Variants in OTUD7A observed in about 807,000 individuals in gnomAD.
OTUD7A encodes the protein OTU domain-containing protein 7A.
A neutral mutation model predicts 65.7 loss-of-function variants in OTUD7A; 12 were observed. The ratio of observed to expected loss-of-function variants is 0.18; its 90% CI spans 0.12 to 0.30. OTUD7A has a LOEUF of 0.30. Ranked by LOEUF, OTUD7A falls within the 10% of genes least tolerant of loss-of-function variation. The pLI, the probability that OTUD7A is intolerant of heterozygous loss-of-function variation, is 1.00. For synonymous variants in OTUD7A, 641 were observed against 586.3 expected (o/e 1.09, Z -1.35); for missense variants, 1,148 against 1,304.8 (o/e 0.88, Z 1.85).
chr15:31,621,517 T>A (rs1433392387), intron 3 of OTUD7A, among the ~76,000 whole-genome samples: 2 of 152,226 alleles, frequency 1.3e-5, no homozygotes, highest in Non-Finnish European at 2.9e-5. Context: ...TTTACCATTA[T>A]GTAATGGCCT....
intron 3 of OTUD7A, among the ~76,000 whole-genome samples, chr15:31,643,295 C>T (rs1891571237): frequency 6.6e-6 from 1 of 152,072 alleles, no homozygotes. Context: ...TTCACTGATG[C>T]CTTTAATATT....
chr15:31,646,510 GAGTAC>G (rs926879303), intron 3 of OTUD7A, among the ~76,000 whole-genome samples: 6 of 150,224 alleles, frequency 4.0e-5, no homozygotes, highest in African/African-American at 1.5e-4. Flanking sequence ...GCCCAGGCTG[GAGTAC>G]AATGGTGTGA....
intron 3 of OTUD7A, among the ~76,000 whole-genome samples, chr15:31,644,642 AT>A (rs1311900380): frequency 1.3e-5 from 2 of 152,066 alleles, no homozygotes; most frequent in African/African-American, 4.8e-5. Context: ...TGCCCAGCTA[AT>A]TTTTAGAAGA....
At chr15:31,710,830 C>T (rs1893424162) in intron 1 of OTUD7A, among the ~76,000 whole-genome samples, 1 of 152,146 alleles carries the variant, frequency 6.6e-6, no homozygotes, top group Non-Finnish European at 1.5e-5. Flanking sequence ...GCTTTACCTC[C>T]TGCAATAGCC....
chr15:31,494,402 G>C (rs1312177585), intron 10 of OTUD7A, among the ~76,000 whole-genome samples: 1 of 152,208 alleles, frequency 6.6e-6, no homozygotes, highest in Non-Finnish European at 1.5e-5. Context: ...CTCCAAATCT[G>C]CTGGCTCCTG....
intron 1 of OTUD7A, among the ~76,000 whole-genome samples, chr15:31,860,351 G>A (rs1311352380): frequency 6.6e-6 from 1 of 151,978 alleles, no homozygotes; most frequent in Non-Finnish European, 1.5e-5. Flanking sequence ...TTTCTCAACT[G>A]CGATGCTTTT....
intron 1 of OTUD7A, among the ~76,000 whole-genome samples, chr15:31,857,595 C>T (rs866960142): frequency 3.3e-5 from 5 of 151,910 alleles, no homozygotes; most frequent in Admixed American, 1.3e-4. Flanking sequence ...GGGCAGTCAG[C>T]GCAGCCTGAG....
At chr15:31,538,743 C>G (rs1887887784) in intron 5 of OTUD7A, among the ~76,000 whole-genome samples, 1 of 152,100 alleles carries the variant, frequency 6.6e-6, no homozygotes, top group South Asian at 2.1e-4. Context: ...CACCCAAAAC[C>G]AAATGAATGT....
intron 3 of OTUD7A, among the ~76,000 whole-genome samples, chr15:31,581,614 G>A (rs1040262912): frequency 2.6e-5 from 4 of 152,252 alleles, no homozygotes; most frequent in Admixed American, 1.3e-4. Context: ...AAGCTGCCAA[G>A]GCTTGGGACT....
In OTUD7A at chr15:31,484,363, C is replaced by T; in HGVS notation, c.1733G>A (p.Ser578Asn). ...KEKKAKSRKG[S>N]KEESGASAST... is the part of the protein sequence containing the mutation. ...GGCCGACGCACCAGACTCCTCCTTG[C>T]TGCCCTTGCGCGACTTGGCCTTCTT... The change falls in exon 13 of 13, where the codon AGC becomes AAC. Residue 578 changes from serine (S) to asparagine (N), a missense_variant. Coordinates refer to ENST00000307050, the MANE Select transcript of OTUD7A (RefSeq NM_001382637.1). This position sits in a 1 kb window ranked among gnomAD's most constrained non-coding sequence, Gnocchi z 4.5. 6.2e-7 allele frequency: 1 copy of T among 1,601,246 alleles called. No homozygotes were observed. Among genetic ancestry groups the T allele is most frequent in the East Asian group, 2.2e-5 (1 of 44,814 alleles).
chr15:31,723,849 T>C (rs1317010478), intron 1 of OTUD7A, among the ~76,000 whole-genome samples: 1 of 70,988 alleles, frequency 1.4e-5, no homozygotes, highest in Non-Finnish European at 2.8e-5. Context: ...GAGACCGCCA[T>C]ATTGTCCTTC....
intron 1 of OTUD7A, among the ~76,000 whole-genome samples, chr15:31,793,694 C>T (rs1396677968): frequency 6.6e-6 from 1 of 152,204 alleles, no homozygotes; most frequent in Non-Finnish European, 1.5e-5. Context: ...CATAAAAGAC[C>T]ATTTGATTGC....
chr15:31,789,745 G>A (rs1229705943), intron 1 of OTUD7A, among the ~76,000 whole-genome samples: 1 of 134,510 alleles, frequency 7.4e-6, no homozygotes, highest in Non-Finnish European at 1.5e-5. Context: ...TTTCACTCTC[G>A]TCCAGGCTAG....
chr15:31,549,108 C>G (rs139233878), intron 5 of OTUD7A, among the ~76,000 whole-genome samples: 35 of 149,136 alleles, frequency 2.3e-4, no homozygotes, highest in Admixed American at 6.7e-4. Flanking sequence ...TGCACTCCAG[C>G]CTGGGAGACA....
At chr15:31,720,931 T>G (rs1893720560) in intron 1 of OTUD7A, among the ~76,000 whole-genome samples, 1 of 151,336 alleles carries the variant, frequency 6.6e-6, no homozygotes, top group South Asian at 2.1e-4. Context: ...CTATACCTTT[T>G]CTAAGTTTAG....
At chr15:31,633,506 T>C (rs1025772292) in intron 3 of OTUD7A, among the ~76,000 whole-genome samples, 1 of 152,162 alleles carries the variant, frequency 6.6e-6, no homozygotes. Flanking sequence ...TCCTTGAAAG[T>C]TTCCAGGTCT....
chr15:31,738,435 A>T (rs1244967439), intron 1 of OTUD7A, among the ~76,000 whole-genome samples: 2 of 152,170 alleles, frequency 1.3e-5, no homozygotes, highest in African/African-American at 4.8e-5. Context: ...ATCAGCGCTG[A>T]ATCTACAAAA....
At chr15:31,583,521 G>A (rs143272071) in intron 3 of OTUD7A, among the ~76,000 whole-genome samples, 1 of 152,030 alleles carries the variant, frequency 6.6e-6, no homozygotes, top group African/African-American at 2.4e-5. Context: ...TTGAATCATG[G>A]GGGTGGTTTC....
intron 8 of OTUD7A, among the ~76,000 whole-genome samples, chr15:31,507,545 G>T (rs1213190933): frequency 6.6e-6 from 1 of 152,192 alleles, no homozygotes; most frequent in Non-Finnish European, 1.5e-5. Flanking sequence ...CCCAAAGAGT[G>T]AGCAGCAGCA....
Sources: gnomAD v4.1 joint callset for allele counts (sites outside exome capture counted in the v4.1 genomes callset) on GRCh38, gnomAD v4.1.1 for gene constraint, Gnocchi (gnomAD v3.1) non-coding constraint, MANE v1.5 for transcripts, NCBI Gene and HGNC (gene_info 2026-07-23, HGNC 2026-07-21) for gene names.